BANP: variants seen among roughly 807,000 people sequenced by gnomAD.
The protein encoded by BANP is protein BANP.
A neutral mutation model predicts 68.1 loss-of-function variants in BANP; 11 were observed. The observed-to-expected ratio is 0.16, with a 90% CI of 0.10 to 0.27. The LOEUF (loss-of-function observed/expected upper bound fraction) is 0.27. Ranked by LOEUF, BANP falls within the 10% of genes least tolerant of loss-of-function variation. BANP has a pLI of 1.00. For missense variants in BANP, 504 were observed against 722.7 expected, an observed-to-expected ratio of 0.70 and a Z score of 3.47; for synonymous variants, 329 against 303.2, an observed-to-expected ratio of 1.09 and a Z score of -0.88.
chr16:88,004,478 C>G lies in BANP; in HGVS notation c.479+67C>G. On this transcript the variant is annotated intron_variant, in intron 5 of 13. Coordinates refer to ENST00000682872, the MANE Select transcript of BANP (RefSeq NM_001386991.1). This position sits in a 1 kb window ranked among gnomAD's most constrained non-coding sequence, Gnocchi z 7.0. ...GCGGAGTCCCATGAGAATAAGTCAA[C>G]GTCCCTAAGCCAGGGCACAGTCCAG... is the stretch of plus-strand genomic sequence containing the variant. 1.1e-6 allele frequency: 1 copy of G among 912,492 alleles called. No homozygotes were observed. The highest frequency in any genetic ancestry group is 2.7e-5 in the East Asian group (1 of 37,508). 56.5% of individuals were successfully genotyped at this position (912,492 alleles called of 1,614,324 possible). A position where few individuals can be genotyped will look rare whatever the true frequency, so the allele number is the denominator to read the frequency against.
At chr16:88,063,504 C>T (rs2087517286) in intron 11 of BANP, among the ~76,000 whole-genome samples, 1 of 152,280 alleles carries the variant, frequency 6.6e-6, no homozygotes, top group Non-Finnish European at 1.5e-5. Flanking sequence ...AGCCTGGACT[C>T]TCAGCCCGTC....
chr16:88,040,876 A>G (rs569827928), intron 11 of BANP, among the ~76,000 whole-genome samples: 66 of 152,320 alleles, frequency 4.3e-4, no homozygotes, highest in African/African-American at 1.5e-3. Context: ...AAGTTCCTAG[A>G]TCACTGAGGA....
chr16:88,027,797 G>A, intron 8 of BANP, 147 bp downstream of exon 8: 1 of 982,892 alleles, frequency 1.0e-6, no homozygotes, highest in Non-Finnish European at 1.5e-6. Flanking sequence ...GCACGGAGCA[G>A]TGGAGCCGCA....
intron 11 of BANP, among the ~76,000 whole-genome samples, chr16:88,055,524 T>G (rs1390405504): frequency 6.6e-6 from 1 of 152,170 alleles, no homozygotes; most frequent in Non-Finnish European, 1.5e-5. Flanking sequence ...TTCAGAAGGC[T>G]TCAGAATCTT....
chr16:87,953,663 C>T (rs1466348746), intron 1 of BANP, among the ~76,000 whole-genome samples: 1 of 152,160 alleles, frequency 6.6e-6, no homozygotes, highest in Non-Finnish European at 1.5e-5. Context: ...CCTTCCTGTA[C>T]AGCGTGGATT....
chr16:87,952,957 A>G (rs965098214), intron 1 of BANP, among the ~76,000 whole-genome samples: 1 of 152,056 alleles, frequency 6.6e-6, no homozygotes, highest in Non-Finnish European at 1.5e-5. Flanking sequence ...TTTCGTAGAG[A>G]GGGGGTTTCG....
At chr16:87,969,314 T>C (rs1220628564) in intron 1 of BANP, among the ~76,000 whole-genome samples, 1 of 152,112 alleles carries the variant, frequency 6.6e-6, no homozygotes, top group African/African-American at 2.4e-5. Context: ...GAATGTTGTG[T>C]GGGGCATGGC....
intron 6 of BANP, among the ~76,000 whole-genome samples, chr16:88,014,840 G>T (rs1300736744): frequency 6.6e-6 from 1 of 151,972 alleles, no homozygotes; most frequent in Non-Finnish European, 1.5e-5. Flanking sequence ...GGTGTCGCTG[G>T]AGACCACCCT....
rs570274157 is a variant in BANP, at chr16:88,036,928, T to C, written c.1273-1045T>C. Among the ~76,000 whole-genome samples the C allele has an allele frequency of 1.3e-5, 2 of 152,012 alleles. No individual in the cohort carries two copies. The highest frequency in any genetic ancestry group is 2.9e-5 in the Non-Finnish European group (2 of 68,008). ...CAGGTGCAGGAGTTGGGGGCCTGAG[T>C]GGCTGCGAGGTGCAGGATCCCAGCA... On this transcript the variant is annotated intron_variant, in intron 10 of 13. Transcript: ENST00000682872. The surrounding 1 kb of genome is among the most constrained non-coding windows in gnomAD (Gnocchi z 4.2).
At chr16:88,010,742 G>T (rs2072847789) in intron 6 of BANP, among the ~76,000 whole-genome samples, 1 of 152,268 alleles carries the variant, frequency 6.6e-6, no homozygotes, top group Non-Finnish European at 1.5e-5. Flanking sequence ...CACCAGCTAT[G>T]CACGTGGAAA....
intron 6 of BANP, among the ~76,000 whole-genome samples, chr16:88,009,133 C>T (rs552231562): frequency 6.6e-6 from 1 of 152,214 alleles, no homozygotes; most frequent in Admixed American, 6.5e-5. Context: ...TAGTGGCGTC[C>T]TCTCTTCAGC....
rs959222009 is a variant in BANP at position 88,064,226 on chromosome 16, C to T, written c.1312-1041C>T. Reference sequence around the variant, plus strand: ...GGGAGCAGGGGGGGAGAGTGGACAGCGAGGCGGTGGATGTTGAGGCAGTTG... The same window carrying T: ...GGGAGCAGGGGGGGAGAGTGGACAGTGAGGCGGTGGATGTTGAGGCAGTTG... On this transcript the variant is annotated intron_variant, in intron 11 of 13. Coordinates refer to ENST00000682872, the MANE Select transcript of BANP (RefSeq NM_001386991.1). The surrounding 1 kb of genome is among the most constrained non-coding windows in gnomAD (Gnocchi z 4.5). Among the ~76,000 whole-genome samples, 5 of 152,120 alleles carry T rather than the reference C, an allele frequency of 3.3e-5. No homozygotes were observed. The East Asian group carries it at 5.8e-4, about 18-fold the overall frequency.
At chr16:87,995,318 T>G (rs79452318) in intron 4 of BANP, among the ~76,000 whole-genome samples, 2,081 of 152,364 alleles carry the variant, frequency 0.014, 47 homozygotes, top group African/African-American at 0.046. Context: ...GCAGCTCCTC[T>G]TTTTGTAAGT....
chr16:87,991,684 G>A (rs1468239453), intron 4 of BANP, among the ~76,000 whole-genome samples: 1 of 152,120 alleles, frequency 6.6e-6, no homozygotes, highest in African/African-American at 2.4e-5. Flanking sequence ...TTAAATTTCA[G>A]TATCCAGTTG....
chr16:88,045,592 A>C (rs1380874533), intron 11 of BANP, among the ~76,000 whole-genome samples: 2 of 151,886 alleles, frequency 1.3e-5, no homozygotes, highest in East Asian at 3.9e-4. Flanking sequence ...CTCACTCCCC[A>C]CAGAGCCCTG....
At chr16:87,993,129 T>A (rs2066312440) in intron 4 of BANP, among the ~76,000 whole-genome samples, 1 of 152,336 alleles carries the variant, frequency 6.6e-6, no homozygotes, top group East Asian at 1.9e-4. Context: ...GTAGGTGAAG[T>A]CCTTCTCATC....
intron 11 of BANP, among the ~76,000 whole-genome samples, chr16:88,051,685 G>A (rs995885925): frequency 6.6e-6 from 1 of 152,188 alleles, no homozygotes; most frequent in Non-Finnish European, 1.5e-5. Context: ...CCACCCACCT[G>A]ACATAAAAAT....
intron 12 of BANP, among the ~76,000 whole-genome samples, chr16:88,067,565 C>T (rs1251257060): frequency 6.6e-6 from 1 of 152,164 alleles, no homozygotes; most frequent in East Asian, 1.9e-4. Context: ...GTATTTTATG[C>T]CAGAGTTTCA....
Position 88,071,485 on chromosome 16 carries a change from G to A in BANP, c.1378-584G>A, listed in dbSNP as rs1412804663. On this transcript the variant is annotated intron_variant, in intron 12 of 13. Coordinates refer to ENST00000682872, the MANE Select transcript of BANP (RefSeq NM_001386991.1). The surrounding 1 kb of genome is among the most constrained non-coding windows in gnomAD (Gnocchi z 6.5). ...GGTACAAGGTCGGGAGGGCCAGCGG[G>A]GCTCTCTGCCACCAGGACTCACTTC... 4.4e-6 allele frequency: 2 copies of A among 456,230 alleles called. No individual in the cohort carries two copies. The highest frequency in any genetic ancestry group is 1.5e-5 in the South Asian group (1 of 64,570). The allele number at this position is 456,230 out of a possible 1,614,324, so 28.3% of individuals were successfully genotyped here.
Sources: gnomAD v4.1 joint callset for allele counts (sites outside exome capture counted in the v4.1 genomes callset) on GRCh38, gnomAD v4.1.1 for gene constraint, Gnocchi (gnomAD v3.1) non-coding constraint, MANE v1.5 for transcripts, NCBI Gene and HGNC (gene_info 2026-07-23, HGNC 2026-07-21) for gene names.